The following UBE2G1 variants were observed in gnomAD, a reference collection of about 807,000 sequenced individuals.
UBE2G1 encodes ubiquitin-conjugating enzyme E2 G1.
UBE2G1 carries 5 observed loss-of-function variants against 22.7 expected under a neutral mutation model. That is an observed-to-expected ratio of 0.22 (90% CI 0.12 to 0.46). The LOEUF (loss-of-function observed/expected upper bound fraction) is 0.46, where lower values mean the gene tolerates loss of function less well. UBE2G1 is among the 20% of genes least tolerant of loss of function. The pLI, the probability that UBE2G1 is intolerant of heterozygous loss-of-function variation, is 0.99. For missense variants in UBE2G1, 88 were observed against 203.9 expected (o/e 0.43, Z 3.46); for synonymous variants, 74 against 67.5 (o/e 1.10, Z -0.47).
rs144805585 is a variant in UBE2G1, at chr17:4,273,803, A to C, written c.*38-1287T>G. ...AGGTCAAGTGTTCCAAAGAACTCAG[A>C]AACTCTGAATCCATTGCCATGCACA... On this transcript the variant is annotated intron_variant, in intron 5 of 5. Coordinates refer to ENST00000396981, the MANE Select transcript of UBE2G1 (RefSeq NM_003342.5). Among the ~76,000 whole-genome samples the C allele has an allele frequency of 8.3e-4, 127 of 152,324 alleles. 1 individual carries two copies. The highest frequency in any genetic ancestry group is 2.9e-3 in the African/African-American group (119 of 41,558).
intron 1 of UBE2G1, among the ~76,000 whole-genome samples, chr17:4,320,127 C>T (rs372025539): frequency 6.6e-6 from 1 of 151,656 alleles, no homozygotes; most frequent in Admixed American, 6.6e-5. Context: ...TCTGTATTGT[C>T]GTAATTTTAC....
At chr17:4,347,231 G>C (rs1248805511) in intron 1 of UBE2G1, among the ~76,000 whole-genome samples, 3 of 152,098 alleles carry the variant, frequency 2.0e-5, no homozygotes, top group African/African-American at 7.2e-5. Context: ...CTGGATTTCA[G>C]ATTTTGGAAT....
intron 1 of UBE2G1, among the ~76,000 whole-genome samples, chr17:4,333,521 C>T (rs1969607720): frequency 6.6e-6 from 1 of 151,674 alleles, no homozygotes; most frequent in African/African-American, 2.4e-5. Flanking sequence ...ACTAAAAATA[C>T]AAAAATTAGC....
chr17:4,359,389 A>G (rs944318100), intron 1 of UBE2G1, among the ~76,000 whole-genome samples: 2 of 152,254 alleles, frequency 1.3e-5, no homozygotes, highest in Non-Finnish European at 2.9e-5. Flanking sequence ...GTCACTGGAC[A>G]TGGGTATAAA....
Position 4,269,403 on chromosome 17 carries a change from A to G in UBE2G1, c.*3151T>C, listed in dbSNP as rs887894345. 1 of 154,338 alleles carries G rather than the reference A, an allele frequency of 6.5e-6. No homozygotes were observed. Among genetic ancestry groups the G allele is most frequent in the East Asian group, 1.9e-4 (1 of 5,204 alleles). 9.6% of individuals were successfully genotyped at this position (154,338 alleles called of 1,614,324 possible). On this transcript the variant is annotated 3_prime_UTR_variant, in exon 6 of 6. Transcript: ENST00000396981. ...AGAACTAAAAAAACTGAAATGAAGC[A>G]ACATTATGTCAAATTTCAAAGATGC...
intron 2 of UBE2G1, chr17:4,301,965 TA>T: frequency 4.1e-6 from 2 of 484,992 alleles, no homozygotes; most frequent in Admixed American, 2.3e-5. Context: ...ATTCTTTCAC[TA>T]ATCTGTGCCT....
chr17:4,309,301 C>A lies in UBE2G1; in HGVS notation c.47-2178G>T, dbSNP rs564068915. Among the ~76,000 whole-genome samples, 83 of 152,286 alleles carry A rather than the reference C, an allele frequency of 5.5e-4. 1 individual carries two copies. Among genetic ancestry groups the A allele is most frequent in the Non-Finnish European group, 4.1e-4 (28 of 67,998 alleles). ...ATTTATGTTTAAACATGAAGTGCTTCTTTTCTTGAAATGTGAGGGGAGATT... is the reference window on the plus strand; with the variant it reads ...ATTTATGTTTAAACATGAAGTGCTTATTTTCTTGAAATGTGAGGGGAGATT... On this transcript the variant is annotated intron_variant, in intron 1 of 5. Transcript: ENST00000396981.
chr17:4,321,955 A>G (rs1222256249), intron 1 of UBE2G1, among the ~76,000 whole-genome samples: 2 of 152,228 alleles, frequency 1.3e-5, no homozygotes, highest in Admixed American at 6.5e-5. Context: ...TTTCTTTTTT[A>G]TATTTTGATT....
rs1352750231 is a variant in UBE2G1, at chr17:4,289,317, A to G, written c.339T>C (p.Pro113=). Residue 113 remains proline, a synonymous_variant, in exon 4 of 6, where the codon CCT becomes CCC. Coordinates refer to ENST00000396981, the MANE Select transcript of UBE2G1 (RefSeq NM_003342.5). ...TCATGATGGTTTCCACAGTGTGGAT[A>G]GGGAGCCAGCGTTCCTCTGGCTTTT... is the stretch of plus-strand genomic sequence containing the variant. ...GYEKPEERWL[P]IHTVETIMIS... The G allele has an allele frequency of 1.3e-6, 2 of 1,597,950 alleles. No homozygotes were observed. Among genetic ancestry groups the G allele is most frequent in the South Asian group, 1.1e-5 (1 of 88,432 alleles).
At chr17:4,337,171 C>T (rs936592699) in intron 1 of UBE2G1, among the ~76,000 whole-genome samples, 1 of 151,850 alleles carries the variant, frequency 6.6e-6, no homozygotes. Context: ...CTGGGCCTAG[C>T]GGCTCACACA....
Position 4,346,320 on chromosome 17 carries a change from T to C in UBE2G1, c.46+19951A>G, listed in dbSNP as rs563150845. 3.3e-5 allele frequency among the ~76,000 whole-genome samples: 5 copies of C among 152,290 alleles called. No individual in the cohort carries two copies. In the South Asian group the frequency reaches 6.2e-4, roughly 19 times the overall value. On this transcript the variant is annotated intron_variant, in intron 1 of 5. Transcript: ENST00000396981. ...CTTTGTTGCTCCTTATCCAGACTTA[T>C]ACCGAAATAATCCTAAATATGTATT...
At chr17:4,308,893 CA>C (rs1458955457) in intron 1 of UBE2G1, among the ~76,000 whole-genome samples, 1 of 152,138 alleles carries the variant, frequency 6.6e-6, no homozygotes, top group Non-Finnish European at 1.5e-5. Context: ...TTGGGGAAAT[CA>C]AGAGATGGTA....
intron 2 of UBE2G1, chr17:4,301,884 T>C (rs1409311058): frequency 2.2e-5 from 11 of 496,106 alleles, no homozygotes; most frequent in Admixed American, 1.8e-4. Context: ...TATTCTAAGA[T>C]TGAAGCTTCG....
At chr17:4,302,602 A>G in intron 2 of UBE2G1, 2 of 393,098 alleles carry the variant, frequency 5.1e-6, no homozygotes, top group Non-Finnish European at 1.0e-5. Context: ...TGTGACTTTT[A>G]TCTGTGGTCT....
chr17:4,297,067 A>C (rs1457766934), intron 2 of UBE2G1, among the ~76,000 whole-genome samples: 1 of 152,256 alleles, frequency 6.6e-6, no homozygotes, highest in Non-Finnish European at 1.5e-5. Flanking sequence ...ACACCAGATC[A>C]GATCAGATCA....
At chr17:4,291,796 T>C (rs975915189) in intron 3 of UBE2G1, among the ~76,000 whole-genome samples, 4 of 152,202 alleles carry the variant, frequency 2.6e-5, no homozygotes, top group African/African-American at 9.6e-5. Context: ...TTAAATTTCA[T>C]ATATAACATC....
At chr17:4,276,056 A>G (rs557435948) in intron 5 of UBE2G1, among the ~76,000 whole-genome samples, 3 of 152,232 alleles carry the variant, frequency 2.0e-5, no homozygotes, top group African/African-American at 7.2e-5. Flanking sequence ...TTGCCCTGGT[A>G]AGTACTGCTC....
intron 1 of UBE2G1, among the ~76,000 whole-genome samples, chr17:4,336,878 A>G (rs1969654247): frequency 6.6e-6 from 1 of 152,192 alleles, no homozygotes; most frequent in African/African-American, 2.4e-5. Flanking sequence ...ATGGCTGAAC[A>G]TGTGAAAGAA....
intron 1 of UBE2G1, among the ~76,000 whole-genome samples, chr17:4,311,535 TATA>T (rs1359773722): frequency 1.3e-5 from 2 of 152,184 alleles, no homozygotes; most frequent in Non-Finnish European, 2.9e-5. Context: ...GAAGCAGACA[TATA>T]AAGTCACATG....
Sources: allele counts gnomAD v4.1 joint callset (sites outside exome capture counted in the v4.1 genomes callset), GRCh38; gene constraint gnomAD v4.1.1; transcripts MANE v1.5; gene names NCBI Gene and HGNC (gene_info 2026-07-23, HGNC 2026-07-21).